LMTK3: variants seen among roughly 807,000 people sequenced by gnomAD.
LMTK3 encodes the protein lemur tail kinase 3, also known as serine/threonine-protein kinase LMTK3.
Under a neutral mutation model 116.7 loss-of-function variants are expected in LMTK3, and 27 were observed. The ratio of observed to expected loss-of-function variants is 0.23; its 90% CI spans 0.17 to 0.32. The LOEUF (loss-of-function observed/expected upper bound fraction) is 0.32, where lower values mean the gene tolerates loss of function less well. Ranked by LOEUF, LMTK3 falls within the 10% of genes least tolerant of loss-of-function variation. The pLI is 1.00. For synonymous variants in LMTK3, 965 were observed against 971.0 expected, an observed-to-expected ratio of 0.99 and a Z score of 0.11; for missense variants, 1,764 against 2,068.5, an observed-to-expected ratio of 0.85 and a Z score of 2.86.
At chr19:48,486,323 T>G (rs1342982414) in intron 14 of LMTK3, among the ~76,000 whole-genome samples, 2 of 151,662 alleles carry the variant, frequency 1.3e-5, no homozygotes, top group African/African-American at 2.4e-5. Flanking sequence ...CCTCCCAAAG[T>G]GCTGGGATTA....
In LMTK3 at chr19:48,498,019, C is replaced by A. The variant is rs1365016284; in HGVS notation, c.3050G>T (p.Arg1017Met). ...GGLRFPRNTE[R>M]PPETGPWRAP... ...TCTCCAAGGCCCAGTCTCTGGTGGC[C>A]TCTCCGTGTTCCTGGGGAATCTCAG... Residue 1017 changes from arginine (R) to methionine (M), a missense_variant, in exon 11 of 15, where the codon AGG (arginine) becomes ATG (methionine). Transcript: ENST00000600059. The A allele has an allele frequency of 1.2e-6, 2 of 1,612,582 alleles. No individual in the cohort carries two copies. Among genetic ancestry groups the A allele is most frequent in the Non-Finnish European group, 1.7e-6 (2 of 1,179,574 alleles).
In LMTK3 at chr19:48,499,359, G is replaced by C; in HGVS notation, c.1710C>G (p.Pro570=). 4.2e-6 allele frequency: 6 copies of C among 1,424,966 alleles called. No individual in the cohort carries two copies. In the South Asian group the frequency reaches 7.6e-5, roughly 18 times the overall value. 88.3% of individuals were successfully genotyped at this position (1,424,966 alleles called of 1,614,324 possible). Residue 570 remains proline (P), a synonymous_variant, in exon 11 of 15, where the codon CCC becomes CCG. Coordinates refer to ENST00000600059, the MANE Select transcript of LMTK3 (RefSeq NM_001388485.1). ...LDPGVPAPQA[P]QAPSEVPQLV... The stretch of plus-strand genomic sequence containing the variant: ...GCTGGGGGACCTCGGAGGGGGCCTG[G>C]GGGGCCTGAGGGGCGGGCACTCCTG...
intron 14 of LMTK3, among the ~76,000 whole-genome samples, chr19:48,487,631 C>A (rs994069205): frequency 6.6e-6 from 1 of 152,142 alleles, no homozygotes; most frequent in African/African-American, 2.4e-5. Context: ...GGAACTCCGA[C>A]CAAACTTTCC....
intron 1 of LMTK3, 33 bp downstream of exon 1, chr19:48,511,468 C>G: frequency 9.2e-7 from 1 of 1,086,840 alleles, no homozygotes; most frequent in Non-Finnish European, 1.2e-6. Context: ...GGGGTGGGGG[C>G]CACCGGACAG....
chr19:48,491,132 G>A lies in LMTK3; in HGVS notation c.4342C>T (p.Arg1448Trp). 5 of 1,375,324 alleles carry A rather than the reference G, an allele frequency of 3.6e-6. No homozygotes were observed. Among genetic ancestry groups the A allele is most frequent in the South Asian group, 1.9e-5 (1 of 53,698 alleles). The allele number at this position is 1,375,324 out of a possible 1,614,324, so 85.2% of individuals were successfully genotyped here. A position where few individuals can be genotyped will look rare whatever the true frequency, so the allele number is the denominator to read the frequency against. The change falls in exon 14 of 15, where the codon CGG becomes TGG. Residue 1448 changes from arginine to tryptophan, a missense_variant. This residue lies in a region of LMTK3 where 281 missense variants were observed against 301.4 expected (regional missense o/e 0.93). Transcript: ENST00000600059. The surrounding 1 kb of genome is among the most constrained non-coding windows in gnomAD (Gnocchi z 5.1). ...CCTGCGGGCCGGGCGTCGGGGGCCC[G>A]GGCGGGTGGCCCCGGGGTCTCCAGC... ...PALETPGPPARAPDARPAGPV... is the reference protein window; with the variant it reads ...PALETPGPPAWAPDARPAGPV...
intron 7 of LMTK3, 66 bp downstream of exon 7, chr19:48,502,367 C>G: frequency 6.4e-7 from 1 of 1,557,208 alleles, no homozygotes. Context: ...TAGCCCCTCC[C>G]CTGAGGCCTC....
In LMTK3 at chr19:48,499,326, G is replaced by A. The variant is rs1457119974; in HGVS notation, c.1743C>T (p.Ser581=). 2 of 1,419,576 alleles carry A rather than the reference G, an allele frequency of 1.4e-6. No individual in the cohort carries two copies. Among genetic ancestry groups the A allele is most frequent in the Non-Finnish European group, 1.8e-6 (2 of 1,084,128 alleles). The allele number at this position is 1,419,576 out of a possible 1,614,324, so 87.9% of individuals were successfully genotyped here. The change falls in exon 11 of 15, where the codon TCC becomes TCT. Residue 581 remains serine, a synonymous_variant. Coordinates refer to ENST00000600059, the MANE Select transcript of LMTK3 (RefSeq NM_001388485.1). ...GGAAGAGGGGGGAGGCCCAGGTCTC[G>A]GACACCAGCTGGGGGACCTCGGAGG... ...QAPSEVPQLV[S]ETWASPLFPA... is the part of the protein sequence containing the mutation.
chr19:48,511,550 G>A lies in LMTK3; in HGVS notation c.27C>T (p.Leu9=), dbSNP rs770591731. The A allele has an allele frequency of 1.4e-6, 2 of 1,445,264 alleles. No homozygotes were observed. The highest frequency in any genetic ancestry group is 1.4e-5 in the African/African-American group (1 of 69,126). 89.5% of individuals were successfully genotyped at this position (1,445,264 alleles called of 1,614,324 possible). The change falls in exon 1 of 15, where the codon CTC becomes CTT. Residue 9 remains leucine (L), a synonymous_variant. Coordinates refer to ENST00000600059, the MANE Select transcript of LMTK3 (RefSeq NM_001388485.1). The part of the protein sequence containing the change: MPAPGALI[L]LAAVSASGCL... ...AGCCGGAGGCGGAGACGGCCGCAAGGAGGATGAGGGCGCCGGGGGCAGGCA... is the reference window on the plus strand; with the variant it reads ...AGCCGGAGGCGGAGACGGCCGCAAGAAGGATGAGGGCGCCGGGGGCAGGCA...
At chr19:48,502,656 G>A in intron 6 of LMTK3, 75 bp from the exon 7 acceptor site, 1 of 1,468,230 alleles carries the variant, frequency 6.8e-7, no homozygotes, top group Non-Finnish European at 9.1e-7. Context: ...GGCTGGAATG[G>A]CTTCTGCTGT....
chr19:48,492,777 C>T lies in LMTK3; in HGVS notation c.4092+917G>A, dbSNP rs566145670. Among the ~76,000 whole-genome samples the T allele has an allele frequency of 4.6e-5, 7 of 152,214 alleles. No individual in the cohort carries two copies. The South Asian group carries it at 1.5e-3, about 32-fold the overall frequency. ...TCCCTAGCCTCTCCAGGATCCCATACTTGACTACCCAGTACCCCCTCTTTC... is the reference window on the plus strand; with the variant it reads ...TCCCTAGCCTCTCCAGGATCCCATATTTGACTACCCAGTACCCCCTCTTTC... On this transcript the variant is annotated intron_variant, in intron 12 of 14. Coordinates refer to ENST00000600059, the MANE Select transcript of LMTK3 (RefSeq NM_001388485.1).
chr19:48,507,684 C>T (rs1972593642), intron 5 of LMTK3, among the ~76,000 whole-genome samples: 1 of 152,142 alleles, frequency 6.6e-6, no homozygotes, highest in Non-Finnish European at 1.5e-5. Flanking sequence ...AGTCATAGCT[C>T]ACTCCATCCT....
rs750515489 is a variant in LMTK3 at position 48,509,500 on chromosome 19, G to C, written c.375C>G (p.Pro125=). 3.2e-6 allele frequency: 5 copies of C among 1,557,066 alleles called. No homozygotes were observed. Among genetic ancestry groups the C allele is most frequent in the Non-Finnish European group, 4.3e-6 (5 of 1,149,538 alleles). ...PQPSHSDMTT[P]LGLSRQHLSY... ...TCAGGTGCTGCCGGCTAAGGCCCAG[G>C]GGGGTGGTCATGTCTGGGGAGGGCA... The change falls in exon 4 of 15, where the codon CCC becomes CCG. Residue 125 remains proline, a synonymous_variant. Coordinates refer to ENST00000600059, the MANE Select transcript of LMTK3 (RefSeq NM_001388485.1).
At chr19:48,512,173 C>G (rs7254284), upstream of LMTK3, among the ~76,000 whole-genome samples, 1 of 152,108 alleles carries the variant, frequency 6.6e-6, no homozygotes, top group African/African-American at 2.4e-5. Context: ...CCACACACAG[C>G]TGACACACGT....
rs770701410 is a variant in LMTK3 at position 48,510,569 on chromosome 19, G to A, written c.100C>T (p.Pro34Ser). 12 of 1,594,722 alleles carry A rather than the reference G, an allele frequency of 7.5e-6. No homozygotes were observed. In the East Asian group the frequency reaches 2.3e-4, roughly 30 times the overall value. ...HPDGFALGRA[P>S]LAPPYAVVLI... ...ACCACAGCGTAGGGAGGAGCCAGAG[G>A]AGCCCGGCCCAGGGCGAATCCATCT... The change falls in exon 2 of 15, where the codon CCT becomes TCT. Residue 34 changes from proline to serine, a missense_variant. Pro to Ser is a moderately conservative substitution (Grantham distance 74). Transcript: ENST00000600059.
At chr19:48,510,629 A>G in intron 1 of LMTK3, 37 bp from the exon 2 acceptor site, 1 of 1,508,550 alleles carries the variant, frequency 6.6e-7, no homozygotes, top group Non-Finnish European at 8.8e-7. Context: ...CCCAGCTTCA[A>G]GTCCCTGGAT....
chr19:48,498,272 C>G lies in LMTK3; in HGVS notation c.2797G>C (p.Asp933His), dbSNP rs1948213063. The change falls in exon 11 of 15, where the codon GAC (aspartate) becomes CAC (histidine). Residue 933 changes from aspartate to histidine, a missense_variant. Around this residue, in one of 7 missense-constraint regions of LMTK3, gnomAD observed 1,028 missense variants for 1,050.6 expected, o/e 0.98. Transcript: ENST00000600059. ...TCCTCGATGCCTGGGGCTCTCTGGT[C>G]CCCGTTCTCCAGCACTGTCACCCCG... ...VNGVTVLENG[D>H]QRAPGIEEKA... 1 of 1,613,308 alleles carries G rather than the reference C, an allele frequency of 6.2e-7. No homozygotes were observed. The highest frequency in any genetic ancestry group is 8.5e-7 in the Non-Finnish European group (1 of 1,179,782).
At chr19:48,509,096 C>A in intron 4 of LMTK3, 127 bp from the exon 5 acceptor site, 1 of 643,248 alleles carries the variant, frequency 1.6e-6, no homozygotes, top group Non-Finnish European at 2.7e-6. Context: ...CACATCCCAC[C>A]ACCCTTGACC....
At position 48,498,851 on chromosome 19, in the gene LMTK3, C is replaced by G; in HGVS notation, c.2218G>C (p.Ala740Pro). 1 of 1,224,476 alleles carries G rather than the reference C, an allele frequency of 8.2e-7. No individual in the cohort carries two copies. The highest frequency in any genetic ancestry group is 1.0e-6 in the Non-Finnish European group (1 of 962,662). 75.9% of individuals were successfully genotyped at this position (1,224,476 alleles called of 1,614,324 possible). The change falls in exon 11 of 15, where the codon GCG becomes CCG. Residue 740 changes from alanine (A) to proline (P), a missense_variant. Around this residue, in one of 7 missense-constraint regions of LMTK3, gnomAD observed 1,028 missense variants for 1,050.6 expected, o/e 0.98. Coordinates refer to ENST00000600059, the MANE Select transcript of LMTK3 (RefSeq NM_001388485.1). ...CCCCGCCCGGGGTACTGGGGCGCCG[C>G]CGCCCCCATGAGGGGGTCCAGAAAC... ...PEFLDPLMGA[A>P]APQYPGRGPP...
rs1159228007 is a variant in LMTK3, at chr19:48,491,373, C to G, written c.4228+31G>C. On this transcript the variant is annotated intron_variant, in intron 13 of 14. Transcript: ENST00000600059. The surrounding 1 kb of genome is among the most constrained non-coding windows in gnomAD (Gnocchi z 5.1). The stretch of plus-strand genomic sequence containing the variant: ...CGCCCCGTCCGCCCCATGGCTCCCG[C>G]CCCCTCCCGCCCCATAGGGCCCGTC... The G allele has an allele frequency of 7.4e-7, 1 of 1,358,330 alleles. No homozygotes were observed. The highest frequency in any genetic ancestry group is 9.5e-7 in the Non-Finnish European group (1 of 1,052,844). 84.1% of individuals were successfully genotyped at this position (1,358,330 alleles called of 1,614,324 possible).
Sources: gnomAD v4.1 joint callset for allele counts (sites outside exome capture counted in the v4.1 genomes callset) on GRCh38, gnomAD v4.1.1 for gene constraint, gnomAD v4.1.1 regional missense constraint, Gnocchi (gnomAD v3.1) non-coding constraint, MANE v1.5 for transcripts, NCBI Gene and HGNC (gene_info 2026-07-23, HGNC 2026-07-21) for gene names.